DTNA: variants seen among roughly 807,000 people sequenced by gnomAD.
DTNA encodes dystrophin-related protein 3.
DTNA carries 43 observed loss-of-function variants against 100.7 expected under a neutral mutation model. That is an observed-to-expected ratio of 0.43 (90% CI 0.33 to 0.55). The LOEUF is 0.55. Among genes scored for constraint, DTNA ranks in the 20% least tolerant of loss-of-function variants. The pLI is 0.04. For missense variants in DTNA, 798 were observed against 953.9 expected, an observed-to-expected ratio of 0.84 and a Z score of 2.15; for synonymous variants, 349 against 347.9, an observed-to-expected ratio of 1.00 and a Z score of -0.04.
At chr18:34,675,955 A>T (rs1017620787) in intron 1 of DTNA, among the ~76,000 whole-genome samples, 2 of 152,230 alleles carry the variant, frequency 1.3e-5, no homozygotes, top group African/African-American at 4.8e-5. Context: ...GTACAGGGGA[A>T]TATATCAAAA....
chr18:34,498,442 T>TATAATAATAATAATAATA (rs58997432), intron 1 of DTNA, among the ~76,000 whole-genome samples: 3 of 141,850 alleles, frequency 2.1e-5, no homozygotes, highest in South Asian at 2.3e-4. Context: ...CAGAAAATAA[T>TATAATAATAATAATAATA]ATAATAATAA....
At chr18:34,501,052 A>T (rs1038062090) in intron 1 of DTNA, among the ~76,000 whole-genome samples, 5 of 152,230 alleles carry the variant, frequency 3.3e-5, no homozygotes, top group African/African-American at 9.6e-5. Context: ...AGTGGAAAGC[A>T]TTCACTCTTT....
At chr18:34,841,460 CAT>C (rs915505761) in intron 13 of DTNA, among the ~76,000 whole-genome samples, 2 of 152,174 alleles carry the variant, frequency 1.3e-5, no homozygotes, top group African/African-American at 4.8e-5. Context: ...TGTGACTTCT[CAT>C]GTTAATTGTA....
chr18:34,610,168 A>G (rs927464463), intron 1 of DTNA, among the ~76,000 whole-genome samples: 2 of 152,324 alleles, frequency 1.3e-5, no homozygotes, highest in Non-Finnish European at 1.5e-5. Flanking sequence ...CAATGTGTTT[A>G]TGTCATCAGT....
chr18:34,554,717 G>A (rs2045841826), intron 1 of DTNA, among the ~76,000 whole-genome samples: 1 of 141,228 alleles, frequency 7.1e-6, no homozygotes, highest in African/African-American at 2.7e-5. Context: ...GCATCCCAGG[G>A]ATGAAGCCCA....
chr18:34,559,850 C>T (rs968190592), intron 1 of DTNA, among the ~76,000 whole-genome samples: 3 of 152,206 alleles, frequency 2.0e-5, no homozygotes, highest in African/African-American at 7.2e-5. Context: ...TCTCCTCTGT[C>T]ATCCTATACA....
rs185178251 is a variant in DTNA at position 34,739,856 on chromosome 18, A to G, written c.-1-16120A>G. On this transcript the variant is annotated intron_variant, in intron 1 of 22. Transcript: ENST00000444659. ...AACAGTAGTACAGATACCTATTACT[A>G]GAGGAGAAGTAATGGTGAGAAACTT... 1.7e-3 allele frequency among the ~76,000 whole-genome samples: 258 copies of G among 152,268 alleles called. 2 individuals carry two copies. Among genetic ancestry groups the G allele is most frequent in the African/African-American group, 6.0e-3 (249 of 41,548 alleles).
chr18:34,771,224 G>T (rs915862088), intron 3 of DTNA, among the ~76,000 whole-genome samples: 1 of 152,176 alleles, frequency 6.6e-6, no homozygotes, highest in Non-Finnish European at 1.5e-5. Flanking sequence ...GTAAGTCCAG[G>T]CGTGGTGGCT....
intron 3 of DTNA, among the ~76,000 whole-genome samples, chr18:34,775,034 C>T (rs1458304046): frequency 6.6e-6 from 1 of 152,238 alleles, no homozygotes; most frequent in Non-Finnish European, 1.5e-5. Context: ...GCTCCTAAAA[C>T]TTCCTATCCC....
At chr18:34,688,565 G>C (rs979427752) in intron 1 of DTNA, among the ~76,000 whole-genome samples, 8 of 152,252 alleles carry the variant, frequency 5.3e-5, no homozygotes, top group Non-Finnish European at 1.0e-4. Context: ...CTCTCTGGCT[G>C]CCCTTAACAT....
chr18:34,511,263 G>A (rs1184315981), intron 1 of DTNA, among the ~76,000 whole-genome samples: 2 of 151,988 alleles, frequency 1.3e-5, no homozygotes, highest in African/African-American at 4.8e-5. Context: ...TAAAAATGGT[G>A]AATATATACT....
chr18:34,603,617 A>G (rs1598924774), intron 1 of DTNA, among the ~76,000 whole-genome samples: 2 of 152,272 alleles, frequency 1.3e-5, no homozygotes, highest in East Asian at 3.9e-4. Flanking sequence ...TTTGTTTAAT[A>G]CTGTTGAGGA....
At chr18:34,596,155 T>C (rs2050557031) in intron 1 of DTNA, among the ~76,000 whole-genome samples, 1 of 152,222 alleles carries the variant, frequency 6.6e-6, no homozygotes, top group Admixed American at 6.5e-5. Flanking sequence ...TAAGTTTTCA[T>C]ATGCCAAATC....
intron 11 of DTNA, among the ~76,000 whole-genome samples, chr18:34,833,239 A>G (rs1317120732): frequency 2.0e-5 from 3 of 152,204 alleles, no homozygotes; most frequent in Non-Finnish European, 4.4e-5. Flanking sequence ...GTATCCAGGA[A>G]GCATCTGTGT....
chr18:34,668,862 G>T (rs981874931), intron 1 of DTNA, among the ~76,000 whole-genome samples: 1 of 152,020 alleles, frequency 6.6e-6, no homozygotes, highest in Non-Finnish European at 1.5e-5. Context: ...GGTCAATTTT[G>T]GAATAGGTGT....
chr18:34,655,486 C>T (rs1247327296), intron 1 of DTNA, among the ~76,000 whole-genome samples: 1 of 152,154 alleles, frequency 6.6e-6, no homozygotes, highest in African/African-American at 2.4e-5. Context: ...ATTATGTTCA[C>T]CTGTATTAGC....
chr18:34,879,491 T>C (rs772088019), intron 19 of DTNA, 60 bp from the exon 20 acceptor site: 478 of 1,571,604 alleles, frequency 3.0e-4, no homozygotes, highest in Non-Finnish European at 3.8e-4. Context: ...TACTCCTTTA[T>C]TTGCAGGTCA....
chr18:34,598,947 T>C (rs957059454), intron 1 of DTNA, among the ~76,000 whole-genome samples: 21 of 152,244 alleles, frequency 1.4e-4, no homozygotes, highest in Non-Finnish European at 2.8e-4. Flanking sequence ...AAACTGTATT[T>C]GTTTATTAAA....
chr18:34,544,612 C>A (rs1245964459), intron 1 of DTNA, among the ~76,000 whole-genome samples: 1 of 152,084 alleles, frequency 6.6e-6, no homozygotes, highest in Non-Finnish European at 1.5e-5. Flanking sequence ...TTTATAATTA[C>A]ATCTGCATTG....
Sources: allele counts gnomAD v4.1 joint callset (sites outside exome capture counted in the v4.1 genomes callset), GRCh38; gene constraint gnomAD v4.1.1; transcripts MANE v1.5; gene names NCBI Gene and HGNC (gene_info 2026-07-23, HGNC 2026-07-21).